FAAH2: variants seen among roughly 807,000 people sequenced by gnomAD.
FAAH2 encodes fatty acid amide hydrolase 2.
Under a neutral mutation model 36.9 loss-of-function variants are expected in FAAH2, and 60 were observed. That is an observed-to-expected ratio of 1.63 (90% CI 1.32 to 2.02). The LOEUF is 2.02. FAAH2 is among the 30% of genes most tolerant of loss of function. The pLI is 0.00. For synonymous variants in FAAH2, 214 were observed against 143.8 expected, an observed-to-expected ratio of 1.49 and a Z score of -3.49; for missense variants, 689 against 397.5, an observed-to-expected ratio of 1.73 and a Z score of -6.23.
chrX:57,309,230 G>A (rs2052624824), intron 2 of FAAH2, among the ~76,000 whole-genome samples: 1 of 111,544 alleles, frequency 9.0e-6, no homozygotes, highest in Admixed American at 9.6e-5. Flanking sequence ...TCTGGAAATT[G>A]CTGTAATTAT....
the FAAH2 span, chrX:57,137,013 C>T: frequency 1.8e-4 from 155 of 846,701 alleles, no homozygotes; most frequent in African/African-American, 1.3e-3. Context: ...TAACCACTTC[C>T]CTGTTACCTA....
At chrX:57,198,930 G>T in the FAAH2 span, among the ~76,000 whole-genome samples, 9 of 112,114 alleles carry the variant, frequency 8.0e-5, no homozygotes, top group African/African-American at 2.6e-4. Flanking sequence ...CTCACACTTT[G>T]GACAGTCACA....
intron 7 of FAAH2, among the ~76,000 whole-genome samples, chrX:57,426,140 T>C (rs933034469): frequency 8.9e-5 from 10 of 111,758 alleles, no homozygotes; most frequent in Non-Finnish European, 1.9e-4. Flanking sequence ...ATTTTATACC[T>C]ATGTCAGTTA....
intron 8 of FAAH2, among the ~76,000 whole-genome samples, chrX:57,437,112 CAA>C (rs1294350801): frequency 1.8e-5 from 2 of 110,923 alleles, no homozygotes; most frequent in Non-Finnish European, 3.8e-5. Context: ...ATTACATAAA[CAA>C]AAATAACAAA....
intron 8 of FAAH2, among the ~76,000 whole-genome samples, chrX:57,445,947 G>T (rs1205724770): frequency 8.9e-6 from 1 of 112,354 alleles, no homozygotes; most frequent in East Asian, 2.8e-4. Context: ...TTCAGGCCTC[G>T]GGCCATGTTA....
the FAAH2 span, among the ~76,000 whole-genome samples, chrX:57,269,900 C>T: frequency 1.8e-5 from 2 of 109,662 alleles, no homozygotes; most frequent in Non-Finnish European, 3.8e-5. Flanking sequence ...GAGATAAAGG[C>T]ACAAAAAAAC....
At chrX:57,233,499 A>G in the FAAH2 span, among the ~76,000 whole-genome samples, 7 of 112,240 alleles carry the variant, frequency 6.2e-5, no homozygotes, top group Non-Finnish European at 1.3e-4. Context: ...AAAAAATAGT[A>G]CATAGTAATA....
At chrX:57,264,539 A>T in the FAAH2 span, among the ~76,000 whole-genome samples, 1 of 112,603 alleles carries the variant, frequency 8.9e-6, no homozygotes, top group African/African-American at 3.2e-5. Flanking sequence ...ATAACAGATG[A>T]TGGTGAGTTT....
intron 7 of FAAH2, among the ~76,000 whole-genome samples, chrX:57,386,538 T>A (rs776245279): frequency 1.9e-3 from 217 of 111,564 alleles, no homozygotes; most frequent in African/African-American, 6.8e-3. Flanking sequence ...TACATTGAAC[T>A]TTTAGTCCAA....
the FAAH2 span, among the ~76,000 whole-genome samples, chrX:57,216,504 A>ATATATATATATATACGTATATG: frequency 1.6e-5 from 1 of 63,142 alleles, no homozygotes; most frequent in Non-Finnish European, 2.6e-5. Flanking sequence ...ACGTATATGT[A>ATATATATATATATACGTATATG]TATATATATA....
At chrX:57,153,965 T>C in the FAAH2 span, among the ~76,000 whole-genome samples, 30 of 112,534 alleles carry the variant, frequency 2.7e-4, no homozygotes, top group East Asian at 8.4e-4. Context: ...TCCAAACTTT[T>C]AGGTTTCTCT....
the FAAH2 span, among the ~76,000 whole-genome samples, chrX:57,263,697 A>C: frequency 1.0e-2 from 1,116 of 111,997 alleles, 44 homozygotes; most frequent in Admixed American, 0.084. Context: ...ACATTATACA[A>C]TTTATGTATA....
At chrX:57,385,581 G>A (rs1480780823) in intron 7 of FAAH2, among the ~76,000 whole-genome samples, 1 of 111,265 alleles carries the variant, frequency 9.0e-6, no homozygotes, top group Non-Finnish European at 1.9e-5. Flanking sequence ...TGGCTGTAAT[G>A]GCATTAACTA....
At chrX:57,239,102 T>C in the FAAH2 span, among the ~76,000 whole-genome samples, 3,237 of 112,044 alleles carry the variant, frequency 0.029, 102 homozygotes, top group African/African-American at 0.1. Context: ...TTTAGGTTGA[T>C]TCCATGTCTT....
At chrX:57,471,086 G>A (rs2057156176) in intron 10 of FAAH2, among the ~76,000 whole-genome samples, 1 of 111,746 alleles carries the variant, frequency 8.9e-6, no homozygotes, top group African/African-American at 3.3e-5. Context: ...GATATTGATG[G>A]AATGTATCTC....
intron 5 of FAAH2, among the ~76,000 whole-genome samples, chrX:57,377,521 C>A (rs752790017): frequency 8.9e-6 from 1 of 112,030 alleles, no homozygotes; most frequent in Non-Finnish European, 1.9e-5. Context: ...GTCTTGGTAC[C>A]AGTACCATGC....
chrX:57,195,767 G>A, the FAAH2 span, among the ~76,000 whole-genome samples: 1 of 112,090 alleles, frequency 8.9e-6, no homozygotes, highest in Non-Finnish European at 1.9e-5. Flanking sequence ...TCCATGTTTA[G>A]TTGACATTTT....
chrX:57,235,604 T>A, the FAAH2 span, among the ~76,000 whole-genome samples: 1 of 112,439 alleles, frequency 8.9e-6, no homozygotes, highest in Non-Finnish European at 1.9e-5. Flanking sequence ...ATAACACTAT[T>A]TGGACTATAG....
chrX:57,437,706 A>G (rs1245128505), intron 8 of FAAH2, among the ~76,000 whole-genome samples: 1 of 85,599 alleles, frequency 1.2e-5, no homozygotes, highest in African/African-American at 4.6e-5. Context: ...TTACATATAA[A>G]TATATAACAT....
Sources: allele counts gnomAD v4.1 joint callset (sites outside exome capture counted in the v4.1 genomes callset), GRCh38; gene constraint gnomAD v4.1.1; transcripts MANE v1.5; gene names NCBI Gene and HGNC (gene_info 2026-07-23, HGNC 2026-07-21).